The following MBOAT2 variants were observed in gnomAD, a reference collection of about 807,000 sequenced individuals.
MBOAT2 encodes membrane-bound glycerophospholipid O-acyltransferase 2.
MBOAT2 carries 28 observed loss-of-function variants against 63.4 expected under a neutral mutation model. That is an observed-to-expected ratio of 0.44 (90% CI 0.33 to 0.61). MBOAT2 has a LOEUF of 0.61. Ranked by LOEUF, MBOAT2 falls within the 20% of genes least tolerant of loss-of-function variation. MBOAT2 has a pLI of 0.03. For missense variants in MBOAT2, 470 were observed against 605.8 expected (o/e 0.78, Z 2.35); for synonymous variants, 211 against 215.6 (o/e 0.98, Z 0.19).
intron 4 of MBOAT2, among the ~76,000 whole-genome samples, chr2:8,899,444 C>T (rs554179865): frequency 1.8e-4 from 28 of 152,256 alleles, no homozygotes; most frequent in African/African-American, 2.6e-4. Flanking sequence ...GAGAAGGCCG[C>T]GCCAGTGTCC....
intron 2 of MBOAT2, among the ~76,000 whole-genome samples, chr2:8,950,054 C>A (rs1401815920): frequency 6.6e-6 from 1 of 152,022 alleles, no homozygotes; most frequent in Non-Finnish European, 1.5e-5. Flanking sequence ...AGATGTATTC[C>A]TAGGTATTTT....
chr2:8,941,369 G>A (rs1039673181), intron 3 of MBOAT2, among the ~76,000 whole-genome samples: 17 of 152,094 alleles, frequency 1.1e-4, no homozygotes, highest in Admixed American at 1.1e-3. Context: ...CTGTAAAAGA[G>A]TAACATTACT....
intron 9 of MBOAT2, among the ~76,000 whole-genome samples, chr2:8,867,376 T>C (rs1412353282): frequency 6.6e-6 from 1 of 152,178 alleles, no homozygotes; most frequent in Non-Finnish European, 1.5e-5. Flanking sequence ...CTCTCAGTAC[T>C]GGTGCTCTTT....
chr2:8,949,535 G>A (rs1668663116), intron 2 of MBOAT2, among the ~76,000 whole-genome samples: 2 of 151,974 alleles, frequency 1.3e-5, no homozygotes, highest in African/African-American at 4.8e-5. Context: ...AAAGGTAGGG[G>A]TCCAGTTTCA....
chr2:8,922,912 C>T lies in MBOAT2; in HGVS notation c.300-14196G>A, dbSNP rs138429386. Among the ~76,000 whole-genome samples, 38 of 152,334 alleles carry T rather than the reference C, an allele frequency of 2.5e-4. No homozygotes were observed. The East Asian group carries it at 6.2e-3, about 25-fold the overall frequency. ...TTAGCTACTGCATGGGGTTCTCTGC[C>T]TTTCACTCCAAATCAAGTCAGCTGG... is the stretch of plus-strand genomic sequence containing the variant. On this transcript the variant is annotated intron_variant, in intron 3 of 12. Coordinates refer to ENST00000305997, the MANE Select transcript of MBOAT2 (RefSeq NM_138799.4).
intron 1 of MBOAT2, among the ~76,000 whole-genome samples, chr2:8,981,796 T>C (rs1671212330): frequency 6.6e-6 from 1 of 152,212 alleles, no homozygotes. Context: ...GTAATTTGCT[T>C]TAGGGGTGTC....
intron 3 of MBOAT2, among the ~76,000 whole-genome samples, chr2:8,918,561 A>G (rs1411698079): frequency 1.3e-5 from 2 of 152,264 alleles, no homozygotes; most frequent in Non-Finnish European, 2.9e-5. Context: ...TTTAATAAAA[A>G]GAAAAAAGGC....
At chr2:8,946,944 G>A (rs900691741) in intron 2 of MBOAT2, among the ~76,000 whole-genome samples, 2 of 152,164 alleles carry the variant, frequency 1.3e-5, no homozygotes, top group Non-Finnish European at 2.9e-5. Context: ...TGTCTCTCAC[G>A]TTAAATCAAA....
At chr2:8,929,951 G>A (rs1045955076) in intron 3 of MBOAT2, among the ~76,000 whole-genome samples, 2 of 152,034 alleles carry the variant, frequency 1.3e-5, no homozygotes, top group Admixed American at 6.6e-5. Context: ...TATAAACAGC[G>A]AAAATTTTGT....
chr2:8,895,298 ATTTTACAGAGTGCTAATTGGTCCG>A (rs1225417153), intron 4 of MBOAT2, among the ~76,000 whole-genome samples: 1 of 151,930 alleles, frequency 6.6e-6, no homozygotes, highest in African/African-American at 2.4e-5. Context: ...TGATTGGTCC[ATTTTACAGAGTGCTAATTGGTCCG>A]TTTTACAGAG....
chr2:8,863,367 G>A (rs533015856), intron 10 of MBOAT2, among the ~76,000 whole-genome samples: 4 of 152,242 alleles, frequency 2.6e-5, no homozygotes, highest in Admixed American at 6.5e-5. Context: ...GCTTATCACC[G>A]TATCGTTATA....
At chr2:8,864,113 C>T (rs1661685167) in intron 10 of MBOAT2, 57 bp downstream of exon 10, 1 of 1,233,762 alleles carries the variant, frequency 8.1e-7, no homozygotes, top group Non-Finnish European at 1.1e-6. Flanking sequence ...CAATGAAGCT[C>T]AACCTCGAGA....
At chr2:8,947,698 T>C (rs1668519832) in intron 2 of MBOAT2, among the ~76,000 whole-genome samples, 1 of 152,248 alleles carries the variant, frequency 6.6e-6, no homozygotes, top group Non-Finnish European at 1.5e-5. Context: ...CATTGTTTAC[T>C]GAATATTATA....
chr2:8,902,647 C>A (rs761028505), intron 4 of MBOAT2, among the ~76,000 whole-genome samples: 2 of 151,896 alleles, frequency 1.3e-5, no homozygotes. Flanking sequence ...TAGACCTTTG[C>A]GGTGACTGTT....
At position 8,894,710 on chromosome 2, in the gene MBOAT2, G is replaced by A. The variant is rs113843493; in HGVS notation, c.396-6637C>T. Among the ~76,000 whole-genome samples the A allele has an allele frequency of 6.8e-3, 1,032 of 152,324 alleles. 12 individuals are homozygous for A. The highest frequency in any genetic ancestry group is 0.02 in the South Asian group (96 of 4,826). On this transcript the variant is annotated intron_variant, in intron 4 of 12. Coordinates refer to ENST00000305997, the MANE Select transcript of MBOAT2 (RefSeq NM_138799.4). The stretch of plus-strand genomic sequence containing the variant: ...CAAGAATGAAGCCACAGACCCTCAC[G>A]GTGACAGTTCTTAAAGATGGTGTGT...
chr2:8,860,547 T>C (rs556529880), intron 12 of MBOAT2, 66 bp downstream of exon 12: 4 of 1,508,142 alleles, frequency 2.7e-6, no homozygotes, highest in African/African-American at 1.4e-5. Context: ...TTCTATCCAA[T>C]AGCAAGAAAC....
At chr2:8,927,426 A>C (rs1336445931) in intron 3 of MBOAT2, among the ~76,000 whole-genome samples, 1 of 152,198 alleles carries the variant, frequency 6.6e-6, no homozygotes, top group Admixed American at 6.5e-5. Flanking sequence ...CTTTGAAAAG[A>C]ATAGAATGGA....
At chr2:8,937,856 G>A (rs1667773458) in intron 3 of MBOAT2, among the ~76,000 whole-genome samples, 1 of 152,172 alleles carries the variant, frequency 6.6e-6, no homozygotes, top group Non-Finnish European at 1.5e-5. Context: ...AGCCGCGTGT[G>A]AGACAGACAG....
rs915576952 is a variant in MBOAT2, at chr2:8,929,708, A to T, written c.299+13479T>A. 3.9e-5 allele frequency among the ~76,000 whole-genome samples: 6 copies of T among 152,182 alleles called. No individual in the cohort carries two copies. The South Asian group carries it at 1.2e-3, about 31-fold the overall frequency. On this transcript the variant is annotated intron_variant, in intron 3 of 12. Coordinates refer to ENST00000305997, the MANE Select transcript of MBOAT2 (RefSeq NM_138799.4). ...ATATGCATGCATGTATCATTATAAC[A>T]GAATGATTTACATTCCTTTGGGTAT...
Sources: allele counts gnomAD v4.1 joint callset (sites outside exome capture counted in the v4.1 genomes callset), GRCh38; gene constraint gnomAD v4.1.1; transcripts MANE v1.5; gene names NCBI Gene and HGNC (gene_info 2026-07-23, HGNC 2026-07-21).